Variants in VAV3 observed in about 807,000 individuals in gnomAD.
The protein encoded by VAV3 is guanine nucleotide exchange factor VAV3.
In VAV3, 94 loss-of-function variants were observed where a neutral mutation model predicts 131.2. That is an observed-to-expected ratio of 0.72 (90% CI 0.61 to 0.85). The LOEUF (loss-of-function observed/expected upper bound fraction) is 0.85. VAV3 is among the 40% of genes least tolerant of loss of function. VAV3 has a pLI of 0.00. For synonymous variants in VAV3, 349 were observed against 342.0 expected, an observed-to-expected ratio of 1.02 and a Z score of -0.22; for missense variants, 939 against 1,002.7, an observed-to-expected ratio of 0.94 and a Z score of 0.86.
intron 20 of VAV3, among the ~76,000 whole-genome samples, chr1:107,637,690 T>C (rs571485459): frequency 6.6e-5 from 10 of 152,266 alleles, no homozygotes; most frequent in Non-Finnish European, 1.2e-4. Context: ...TAGGCCTAGA[T>C]AGCTTCCCTA....
intron 4 of VAV3, among the ~76,000 whole-genome samples, chr1:107,776,572 A>T (rs1557839769): frequency 6.6e-6 from 1 of 152,306 alleles, no homozygotes; most frequent in East Asian, 1.9e-4. Context: ...ATGAGGAAGG[A>T]TAGATGAATG....
At chr1:107,946,089 A>G (rs1299058759) in intron 1 of VAV3, among the ~76,000 whole-genome samples, 3 of 152,162 alleles carry the variant, frequency 2.0e-5, no homozygotes, top group Non-Finnish European at 4.4e-5. Flanking sequence ...GGTTCACTCG[A>G]TAAGATTAAT....
At chr1:107,899,278 T>C (rs531105148) in intron 1 of VAV3, among the ~76,000 whole-genome samples, 1 of 152,244 alleles carries the variant, frequency 6.6e-6, no homozygotes, top group East Asian at 1.9e-4. Flanking sequence ...CATAGAGATA[T>C]ATTAATAAAA....
intron 1 of VAV3, among the ~76,000 whole-genome samples, chr1:107,944,153 T>C (rs1197603750): frequency 1.3e-5 from 2 of 152,246 alleles, no homozygotes; most frequent in East Asian, 3.8e-4. Flanking sequence ...GATCGAAATG[T>C]AGGTGTTTTT....
intron 17 of VAV3, 146 bp from the exon 18 acceptor site, chr1:107,688,552 G>A (rs1659196119): frequency 2.6e-6 from 4 of 1,511,184 alleles, no homozygotes; most frequent in Admixed American, 2.4e-5. Flanking sequence ...CCCTCAGGCT[G>A]GGCTAGTAAT....
At chr1:107,925,900 A>ACATATATGT (rs1557928326) in intron 1 of VAV3, among the ~76,000 whole-genome samples, 1 of 149,758 alleles carries the variant, frequency 6.7e-6, no homozygotes, top group African/African-American at 2.5e-5. Context: ...AACATATATG[A>ACATATATGT]TATATATGTT....
chr1:107,619,844 G>C (rs1197339791), intron 20 of VAV3, among the ~76,000 whole-genome samples: 1 of 152,184 alleles, frequency 6.6e-6, no homozygotes, highest in African/African-American at 2.4e-5. Context: ...GACAGTGTAT[G>C]TTGGCCAATG....
At chr1:107,737,703 C>T (rs186606111) in intron 15 of VAV3, among the ~76,000 whole-genome samples, 1 of 152,266 alleles carries the variant, frequency 6.6e-6, no homozygotes, top group Non-Finnish European at 1.5e-5. Flanking sequence ...AGTCAGGAAA[C>T]AACAGGTGCT....
chr1:107,793,304 T>C (rs1666386825), intron 2 of VAV3, among the ~76,000 whole-genome samples: 1 of 152,182 alleles, frequency 6.6e-6, no homozygotes. Context: ...AAACAGCCTG[T>C]CATGAACGCT....
chr1:107,874,135 A>AAT (rs1670377092), intron 2 of VAV3, among the ~76,000 whole-genome samples: 1 of 152,166 alleles, frequency 6.6e-6, no homozygotes, highest in African/African-American at 2.4e-5. Flanking sequence ...ATGCAATTAC[A>AAT]TCAGCATAAG....
Position 107,770,733 on chromosome 1 carries a change from A to C in VAV3, c.556-5T>G. ...TATATCATTTTCTGGACATTTCTGC[A>C]GTTAGAATTATCAAAATAAAATGAT... On this transcript the variant is annotated splice_polypyrimidine_tract_variant and splice_region_variant and intron_variant, in intron 5 of 26. Transcript: ENST00000370056. 3 of 1,597,664 alleles carry C rather than the reference A, an allele frequency of 1.9e-6. No homozygotes were observed. The highest frequency in any genetic ancestry group is 2.6e-6 in the Non-Finnish European group (3 of 1,171,024).
chr1:107,656,334 T>G (rs1381983493), intron 19 of VAV3, among the ~76,000 whole-genome samples: 2 of 151,886 alleles, frequency 1.3e-5, no homozygotes, highest in Non-Finnish European at 2.9e-5. Flanking sequence ...GAACTGGAGG[T>G]TATTATGTTA....
chr1:107,655,889 CCA>C (rs2101596456), intron 19 of VAV3, among the ~76,000 whole-genome samples: 1 of 151,998 alleles, frequency 6.6e-6, no homozygotes, highest in East Asian at 1.9e-4. Flanking sequence ...AAAATCAAAA[CCA>C]CAGTGAGATA....
At chr1:107,612,891 G>C (rs1652861766) in intron 21 of VAV3, among the ~76,000 whole-genome samples, 2 of 152,058 alleles carry the variant, frequency 1.3e-5, no homozygotes, top group Admixed American at 6.6e-5. Context: ...TAGCTACCCT[G>C]CATGGTACAA....
intron 2 of VAV3, among the ~76,000 whole-genome samples, chr1:107,817,320 G>T (rs989266179): frequency 3.9e-5 from 6 of 152,110 alleles, no homozygotes; most frequent in African/African-American, 1.2e-4. Context: ...AAGGGCATTG[G>T]GTGTACAGGT....
intron 2 of VAV3, among the ~76,000 whole-genome samples, chr1:107,841,886 G>A (rs1453836859): frequency 6.6e-6 from 1 of 151,940 alleles, no homozygotes; most frequent in Non-Finnish European, 1.5e-5. Context: ...TGATAATTGG[G>A]GTGCGTTGGG....
intron 15 of VAV3, among the ~76,000 whole-genome samples, chr1:107,716,594 A>T (rs1330153464): frequency 6.6e-6 from 1 of 152,214 alleles, no homozygotes; most frequent in African/African-American, 2.4e-5. Context: ...CCACTTGATC[A>T]TGGTGGATAA....
chr1:107,866,875 T>C (rs913863257), intron 2 of VAV3, among the ~76,000 whole-genome samples: 5 of 147,040 alleles, frequency 3.4e-5, no homozygotes, highest in Admixed American at 2.0e-4. Context: ...ATTTAGCTCC[T>C]GGCAGGGTGA....
chr1:107,625,236 G>C (rs1429602163), intron 20 of VAV3, among the ~76,000 whole-genome samples: 2 of 149,616 alleles, frequency 1.3e-5, no homozygotes, highest in Non-Finnish European at 3.0e-5. Context: ...TAGGGATGAT[G>C]TGTGTCAGTA....
Sources: gnomAD v4.1 joint callset for allele counts (sites outside exome capture counted in the v4.1 genomes callset) on GRCh38, gnomAD v4.1.1 for gene constraint, MANE v1.5 for transcripts, NCBI Gene and HGNC (gene_info 2026-07-23, HGNC 2026-07-21) for gene names.